The following PTH2R variants were observed in gnomAD, a reference collection of about 807,000 sequenced individuals.
PTH2R encodes the protein parathyroid hormone 2 receptor.
A neutral mutation model predicts 60.3 loss-of-function variants in PTH2R; 59 were observed. That is an observed-to-expected ratio of 0.98 (90% CI 0.79 to 1.22). The LOEUF (loss-of-function observed/expected upper bound fraction) is 1.22. Ranked by LOEUF, PTH2R falls within the 50% of genes most tolerant of loss-of-function variation. The pLI, the probability that PTH2R is intolerant of heterozygous loss-of-function variation, is 0.00. For synonymous variants in PTH2R, 256 were observed against 243.8 expected (o/e 1.05, Z -0.47); for missense variants, 749 against 682.6 (o/e 1.10, Z -1.08).
intron 9 of PTH2R, among the ~76,000 whole-genome samples, chr2:208,473,623 G>A (rs1287174543): frequency 6.6e-6 from 1 of 152,128 alleles, no homozygotes; most frequent in Non-Finnish European, 1.5e-5. Flanking sequence ...TACTAGCTCT[G>A]TCTTCCCTGT....
chr2:208,391,034 G>A (rs1166144049), intron 1 of PTH2R, among the ~76,000 whole-genome samples: 1 of 152,162 alleles, frequency 6.6e-6, no homozygotes, highest in Non-Finnish European at 1.5e-5. Flanking sequence ...TTTTATTCCT[G>A]AGGGAGTTGA....
At position 208,459,963 on chromosome 2, in the gene PTH2R, T is replaced by C. The variant is rs764330555; in HGVS notation, c.981+2T>C. On this transcript the variant is annotated splice_donor_variant, in intron 9 of 12. Transcript: ENST00000272847. LOFTEE classifies it high-confidence loss of function. ...GCACCGATCTTAGCAGCTATTGGGGTAAGTTTAAAAGTTTGTATAGTTAAA... is the reference window on the plus strand; with the variant it reads ...GCACCGATCTTAGCAGCTATTGGGGCAAGTTTAAAAGTTTGTATAGTTAAA... The C allele has an allele frequency of 1.2e-5, 20 of 1,612,474 alleles. No homozygotes were observed. The Admixed American group carries it at 3.0e-4, about 24-fold the overall frequency.
intron 9 of PTH2R, among the ~76,000 whole-genome samples, chr2:208,474,931 TAA>T (rs1702966476): frequency 6.6e-6 from 1 of 152,186 alleles, no homozygotes; most frequent in African/African-American, 2.4e-5. Context: ...AGACAGGAAT[TAA>T]AGAGTTTTAT....
chr2:208,428,158 A>G, intron 1 of PTH2R, 43 bp from the exon 2 acceptor site: 3 of 1,474,220 alleles, frequency 2.0e-6, no homozygotes, highest in Non-Finnish European at 1.9e-6. Context: ...TCCTGGCTTG[A>G]AAAAACATGA....
intron 7 of PTH2R, 71 bp from the exon 8 acceptor site, chr2:208,450,678 T>C (rs1271618304): frequency 2.8e-6 from 4 of 1,423,838 alleles, no homozygotes; most frequent in Non-Finnish European, 3.0e-6. Flanking sequence ...TTCTTATATA[T>C]GGTGAATTTG....
intron 8 of PTH2R, 77 bp downstream of exon 8, chr2:208,450,886 C>A: frequency 6.8e-7 from 1 of 1,478,102 alleles, no homozygotes; most frequent in South Asian, 1.1e-5. Context: ...AATTCACACT[C>A]GCTTCTGTTC....
At chr2:208,370,442 CAAAAAAAAAAAAAAAAAA>C (rs71041305) in intron 1 of PTH2R, among the ~76,000 whole-genome samples, 3 of 61,638 alleles carry the variant, frequency 4.9e-5, no homozygotes, top group African/African-American at 1.3e-4. Flanking sequence ...GACTCCGTCT[CAAAAAAAAAAAAAAAAAA>C]AAAAAAAAAA....
At chr2:208,405,253 G>A (rs373380294), upstream of PTH2R, among the ~76,000 whole-genome samples, 5 of 151,920 alleles carry the variant, frequency 3.3e-5, no homozygotes, top group African/African-American at 9.7e-5. Context: ...ATTATGAAAC[G>A]GTAGAAAAGA....
In PTH2R at chr2:208,439,722, G is replaced by T. The variant is rs77645801; in HGVS notation, c.411+1841G>T. On this transcript the variant is annotated intron_variant, in intron 4 of 12. Transcript: ENST00000272847. ...TCACAAGATTATTAAATTTTTTAGA[G>T]TGTGATATTTAAAACAGTAGCATAC... Among the ~76,000 whole-genome samples, 1,276 of 152,178 alleles carry T rather than the reference G, an allele frequency of 8.4e-3. 20 individuals carry two copies. The highest frequency in any genetic ancestry group is 0.029 in the African/African-American group (1,193 of 41,516).
At chr2:208,488,304 A>G (rs1703320330) in intron 10 of PTH2R, among the ~76,000 whole-genome samples, 1 of 152,194 alleles carries the variant, frequency 6.6e-6, no homozygotes, top group Non-Finnish European at 1.5e-5. Context: ...CTCCCAAAAT[A>G]AGCATCATCA....
intron 1 of PTH2R, among the ~76,000 whole-genome samples, chr2:208,427,861 A>G (rs1422315268): frequency 6.6e-6 from 1 of 151,016 alleles, no homozygotes; most frequent in Admixed American, 6.6e-5. Context: ...TTTTTGTAGT[A>G]TATTATCTCT....
chr2:208,466,695 C>A (rs1702760977), intron 9 of PTH2R: 1 of 152,122 alleles, frequency 6.6e-6, no homozygotes, highest in Non-Finnish European at 1.5e-5. Flanking sequence ...CTCCTTTGCC[C>A]ATTTTTAAAT....
chr2:208,469,722 G>A (rs1702838323), intron 9 of PTH2R: 1 of 152,186 alleles, frequency 6.6e-6, no homozygotes, highest in Non-Finnish European at 1.5e-5. Context: ...GTCCCCAAAT[G>A]TAATCATTTA....
Position 208,443,950 on chromosome 2 carries a change from T to C in PTH2R, c.699+413T>C, listed in dbSNP as rs1260092408. ...AGACTTGTTCCAATATAAAATTTTA[T>C]GTTACTTGATTCTGCTCTTGAATGT... is the stretch of plus-strand genomic sequence containing the variant. On this transcript the variant is annotated intron_variant, in intron 6 of 12. Transcript: ENST00000272847. Among the ~76,000 whole-genome samples, 6 of 152,226 alleles carry C rather than the reference T, an allele frequency of 3.9e-5. No individual in the cohort carries two copies. In the South Asian group the frequency reaches 6.2e-4, roughly 16 times the overall value.
intron 1 of PTH2R, among the ~76,000 whole-genome samples, chr2:208,365,942 ATATATATATATATATATATTTTTTTTTT>A (rs1418789010): frequency 3.4e-4 from 5 of 14,704 alleles, no homozygotes; most frequent in South Asian, 2.2e-3. Flanking sequence ...ATATATATAT[ATATATATATATATATATATTTTTTTTTT>A]TTTTTTTTTT....
chr2:208,413,097 A>G (rs1701572936), intron 1 of PTH2R, among the ~76,000 whole-genome samples: 1 of 151,840 alleles, frequency 6.6e-6, no homozygotes, highest in Admixed American at 6.6e-5. Flanking sequence ...TATAAAATAT[A>G]AACACAGATG....
chr2:208,443,720 T>C (rs78445638), intron 6 of PTH2R, among the ~76,000 whole-genome samples, 183 bp downstream of exon 6: 8 of 152,344 alleles, frequency 5.3e-5, no homozygotes, highest in African/African-American at 1.9e-4. Flanking sequence ...TAATCAATCA[T>C]TTTATTAAAA....
chr2:208,370,186 G>A (rs1405082136), intron 1 of PTH2R, among the ~76,000 whole-genome samples: 1 of 152,044 alleles, frequency 6.6e-6, no homozygotes, highest in Non-Finnish European at 1.5e-5. Context: ...GCTCACGCCT[G>A]TAATCACAGC....
At chr2:208,482,778 C>T (rs1222294881) in intron 10 of PTH2R, among the ~76,000 whole-genome samples, 1 of 152,048 alleles carries the variant, frequency 6.6e-6, no homozygotes, top group African/African-American at 2.4e-5. Flanking sequence ...CGTTTATAGC[C>T]CTATCTTATC....
Sources: gnomAD v4.1 joint callset for allele counts (sites outside exome capture counted in the v4.1 genomes callset) on GRCh38, gnomAD v4.1.1 for gene constraint, MANE v1.5 for transcripts, NCBI Gene and HGNC (gene_info 2026-07-23, HGNC 2026-07-21) for gene names.